MORC3: variants seen among roughly 807,000 people sequenced by gnomAD.
The protein encoded by MORC3 is MORC family CW-type zinc finger protein 3.
Under a neutral mutation model 109.1 loss-of-function variants are expected in MORC3, and 31 were observed. The observed-to-expected ratio is 0.28, with a 90% confidence interval of 0.21 to 0.38. The LOEUF is 0.38. MORC3 is among the 10% of genes least tolerant of loss of function. The probability of loss-of-function intolerance (pLI) is 1.00; values close to 1 mark genes in which losing one functional copy is unlikely to be tolerated. For synonymous variants in MORC3, 395 were observed against 380.7 expected (o/e 1.04, Z -0.44); for missense variants, 867 against 1,135.8 (o/e 0.76, Z 3.40).
At chr21:36,332,379 T>G (rs1394891138) in intron 1 of MORC3, among the ~76,000 whole-genome samples, 1 of 152,086 alleles carries the variant, frequency 6.6e-6, no homozygotes, top group Non-Finnish European at 1.5e-5. Flanking sequence ...GAGGTTGCAG[T>G]CAGCCGAAAT....
At chr21:36,330,679 A>G (rs2085304967) in intron 1 of MORC3, among the ~76,000 whole-genome samples, 1 of 152,192 alleles carries the variant, frequency 6.6e-6, no homozygotes, top group Non-Finnish European at 1.5e-5. Flanking sequence ...CAGTAGCCAG[A>G]GGTTTTACAC....
At chr21:36,339,010 A>G (rs1275778985) in intron 5 of MORC3, 89 bp downstream of exon 5, 1 of 1,404,902 alleles carries the variant, frequency 7.1e-7, no homozygotes, top group Non-Finnish European at 9.8e-7. Flanking sequence ...TACACACAGT[A>G]GAAATACATG....
intron 1 of MORC3, among the ~76,000 whole-genome samples, chr21:36,321,074 C>T (rs906436647): frequency 2.0e-5 from 3 of 152,170 alleles, no homozygotes; most frequent in African/African-American, 7.2e-5. Context: ...AAATGTTCCT[C>T]TTTTCTGGAG....
rs764114748 is a variant in MORC3 at position 36,341,419 on chromosome 21, T to G, written c.629T>G (p.Phe210Cys). The G allele has an allele frequency of 6.3e-7, 1 of 1,599,564 alleles. No homozygotes were observed. Among genetic ancestry groups the G allele is most frequent in the Non-Finnish European group, 8.5e-7 (1 of 1,176,868 alleles). The change falls in exon 6 of 17, where the codon TTC (phenylalanine) becomes TGC (cysteine). Residue 210 changes from phenylalanine to cysteine, a missense_variant. Physicochemically the swap from Phe to Cys is radical, Grantham distance 205 (BLOSUM62 -2). Transcript: ENST00000400485. ...TACAGCTACAAAAATGCAACAGAGT[T>G]CGATTTTGAAAAGGATAAATATGAT... ...NLRSYKNATE[F>C]DFEKDKYDIR...
chr21:36,323,928 T>G (rs1265093694), intron 1 of MORC3, among the ~76,000 whole-genome samples: 1 of 151,858 alleles, frequency 6.6e-6, no homozygotes, highest in Non-Finnish European at 1.5e-5. Flanking sequence ...CAGACTGGAG[T>G]GCAAGGGCGT....
chr21:36,371,339 T>G lies in MORC3; in HGVS notation c.2509-1035T>G, dbSNP rs149370354. Among the ~76,000 whole-genome samples, 736 of 152,284 alleles carry G rather than the reference T, an allele frequency of 4.8e-3. 11 individuals are homozygous for G. The highest frequency in any genetic ancestry group is 0.017 in the African/African-American group (693 of 41,552). ...CAAAATACAGATGCTCCTCAACTTA[T>G]GATGGTGTCAGTCCTGAAAAACCCA... On this transcript the variant is annotated intron_variant, in intron 15 of 16. Transcript: ENST00000400485.
chr21:36,321,946 G>C (rs1405422017), intron 1 of MORC3, among the ~76,000 whole-genome samples: 2 of 152,178 alleles, frequency 1.3e-5, no homozygotes, highest in African/African-American at 2.4e-5. Context: ...GGGCACTCTG[G>C]GTGTAGCTGC....
At chr21:36,354,254 G>A (rs1245535482) in intron 9 of MORC3, among the ~76,000 whole-genome samples, 1 of 150,674 alleles carries the variant, frequency 6.6e-6, no homozygotes, top group African/African-American at 2.4e-5. Context: ...GGCACACTCA[G>A]TTTAATTTTT....
chr21:36,372,356 C>T lies in MORC3; in HGVS notation c.2509-18C>T. The T allele has an allele frequency of 6.5e-7, 1 of 1,544,790 alleles. No homozygotes were observed. Among genetic ancestry groups the T allele is most frequent in the Non-Finnish European group, 8.7e-7 (1 of 1,153,114 alleles). ...TTTTAAGTTTTACAGTTATAAAGCT[C>T]ATTTATATTTTTGTTAGGTTGAATT... On this transcript the variant is annotated intron_variant, in intron 15 of 16. Transcript: ENST00000400485.
intron 1 of MORC3, among the ~76,000 whole-genome samples, chr21:36,332,645 T>A (rs778488854): frequency 3.5e-4 from 54 of 152,200 alleles, no homozygotes; most frequent in Non-Finnish European, 5.6e-4. Context: ...CTCAGCTGTT[T>A]GTTACTGGAG....
chr21:36,368,946 A>G (rs888868248), intron 14 of MORC3, 42 bp from the exon 15 acceptor site: 1 of 1,467,502 alleles, frequency 6.8e-7, no homozygotes, highest in South Asian at 1.3e-5. Flanking sequence ...TATTTTGTCC[A>G]TATTTTATAA....
intron 1 of MORC3, among the ~76,000 whole-genome samples, chr21:36,323,979 G>A (rs1454635667): frequency 6.6e-6 from 1 of 151,220 alleles, no homozygotes; most frequent in Non-Finnish European, 1.5e-5. Flanking sequence ...GGGTTCAAGC[G>A]ATTCTCCCGC....
At chr21:36,362,758 C>G (rs1315920398) in intron 13 of MORC3, among the ~76,000 whole-genome samples, 5 of 152,004 alleles carry the variant, frequency 3.3e-5, no homozygotes, top group Admixed American at 3.3e-4. Flanking sequence ...TAATACATAT[C>G]AAAGGGATTT....
At chr21:36,363,217 G>A (rs959273914) in intron 13 of MORC3, among the ~76,000 whole-genome samples, 1 of 152,026 alleles carries the variant, frequency 6.6e-6, no homozygotes, top group Non-Finnish European at 1.5e-5. Flanking sequence ...CCAGGAGTTC[G>A]AGACCAGCCT....
chr21:36,367,983 A>G (rs1369539065), intron 14 of MORC3, among the ~76,000 whole-genome samples: 2 of 152,232 alleles, frequency 1.3e-5, no homozygotes, highest in African/African-American at 2.4e-5. Context: ...TGTACCCTTC[A>G]TTAAGATGCT....
rs144473276 is a variant in MORC3, at chr21:36,335,310, ATTTT to A, written c.113-1544_113-1541del. On this transcript the variant is annotated intron_variant, in intron 2 of 16. Coordinates refer to ENST00000400485, the MANE Select transcript of MORC3 (RefSeq NM_015358.3). ...ATGGAAGATAAAAGAAAAAGAAGGAATTTTTTTTTTTTTTTTTTTTTTTGAGGCA... is the reference window on the plus strand; with the variant it reads ...ATGGAAGATAAAAGAAAAAGAAGGAATTTTTTTTTTTTTTTTTTTGAGGCA... Among the ~76,000 whole-genome samples the A allele has an allele frequency of 7.9e-3, 926 of 116,680 alleles. 4 individuals are homozygous for A. Among genetic ancestry groups the A allele is most frequent in the African/African-American group, 0.022 (657 of 30,304 alleles). 76.5% of individuals were successfully genotyped at this position (116,680 alleles called of 152,430 possible). A position where few individuals can be genotyped will look rare whatever the true frequency, so the allele number is the denominator to read the frequency against.
intron 2 of MORC3, 78 bp from the exon 3 acceptor site, chr21:36,336,796 C>A: frequency 7.4e-7 from 1 of 1,350,726 alleles, no homozygotes; most frequent in Non-Finnish European, 9.8e-7. Context: ...TCTTCTATTG[C>A]TTCTTACAGG....
rs184011915 is a variant in MORC3 at position 36,327,517 on chromosome 21, T to C, written c.40-6129T>C. ...AAATACAGTAAGTGTTCTAGTGAAC[T>C]GAACAGAGGAGGCTGGCTTTGTAGA... On this transcript the variant is annotated intron_variant, in intron 1 of 16. Coordinates refer to ENST00000400485, the MANE Select transcript of MORC3 (RefSeq NM_015358.3). Among the ~76,000 whole-genome samples the C allele has an allele frequency of 3.3e-5, 5 of 151,286 alleles. No individual in the cohort carries two copies. The East Asian group carries it at 7.7e-4, about 23-fold the overall frequency.
intron 15 of MORC3, among the ~76,000 whole-genome samples, chr21:36,371,091 G>A (rs2085861834): frequency 6.6e-6 from 1 of 152,126 alleles, no homozygotes; most frequent in Non-Finnish European, 1.5e-5. Context: ...AATACCAAGA[G>A]ACAAATGATA....
Sources: gnomAD v4.1 joint callset for allele counts (sites outside exome capture counted in the v4.1 genomes callset) on GRCh38, gnomAD v4.1.1 for gene constraint, MANE v1.5 for transcripts, NCBI Gene and HGNC (gene_info 2026-07-23, HGNC 2026-07-21) for gene names.